TCIRG1: variants seen among roughly 807,000 people sequenced by gnomAD.
TCIRG1 encodes V-type proton ATPase 116 kDa subunit a 3.
A neutral mutation model predicts 95.5 loss-of-function variants in TCIRG1; 86 were observed. The ratio of observed to expected loss-of-function variants is 0.90; its 90% confidence interval spans 0.76 to 1.08. TCIRG1 has a LOEUF of 1.08. Among genes scored for constraint, TCIRG1 ranks in the 50% least tolerant of loss-of-function variants. The pLI, the probability that TCIRG1 is intolerant of heterozygous loss-of-function variation, is 0.00. For synonymous variants in TCIRG1, 499 were observed against 501.3 expected (o/e 1.00, Z 0.06); for missense variants, 1,069 against 1,140.2 (o/e 0.94, Z 0.90).
At chr11:68,049,581 G>C in intron 15 of TCIRG1, 82 bp from the exon 16 acceptor site, 1 of 1,543,310 alleles carries the variant, frequency 6.5e-7, no homozygotes. Flanking sequence ...CAGGCTCTCT[G>C]GGCCCCGTGA....
chr11:68,043,366 G>T lies in TCIRG1; in HGVS notation c.504-5G>T, dbSNP rs759331892. ...AGCAGCCCTGCCCAGCCCCGTGGCC[G>T]CCAGCTTTGTGGCAGGTGCCGTGGA... On this transcript the variant is annotated splice_polypyrimidine_tract_variant and splice_region_variant and intron_variant, in intron 5 of 19. Transcript: ENST00000265686. 14 of 1,540,046 alleles carry T rather than the reference G, an allele frequency of 9.1e-6. No individual in the cohort carries two copies. Among genetic ancestry groups the T allele is most frequent in the East Asian group, 7.3e-5 (3 of 40,924 alleles).
chr11:68,039,484 G>T (rs1392092322), intron 1 of TCIRG1, among the ~76,000 whole-genome samples: 1 of 152,126 alleles, frequency 6.6e-6, no homozygotes, highest in Non-Finnish European at 1.5e-5. Context: ...CACCCCATTT[G>T]GAATGGAGGG....
chr11:68,044,655 C>T (rs1490810735), intron 9 of TCIRG1: 4 of 590,022 alleles, frequency 6.8e-6, no homozygotes, highest in Non-Finnish European at 1.2e-5. Context: ...GGTGTGATGC[C>T]CCTGCCTCCG....
chr11:68,049,979 G>A lies in TCIRG1; in HGVS notation c.2031G>A (p.Gly677=), dbSNP rs777528266. ...PADRQEENKA[G]LLDLPDASVN... ...TGCCCCAGGAGGAAAACAAGGCCGGGTTGCTGGACCTGCCTGACGCATCTG... is the reference window on the plus strand; with the variant it reads ...TGCCCCAGGAGGAAAACAAGGCCGGATTGCTGGACCTGCCTGACGCATCTG... Residue 677 remains glycine (G), a synonymous_variant, in exon 17 of 20, where the codon GGG becomes GGA. Transcript: ENST00000265686. The A allele has an allele frequency of 1.9e-6, 3 of 1,612,120 alleles. No individual in the cohort carries two copies. Among genetic ancestry groups the A allele is most frequent in the East Asian group, 2.2e-5 (1 of 44,868 alleles).
rs1855360499 is a variant in TCIRG1 at position 68,044,391 on chromosome 11, A to G, written c.1020+47A>G. The G allele has an allele frequency of 3.4e-6, 5 of 1,464,794 alleles. No individual in the cohort carries two copies. The South Asian group carries it at 3.6e-5, about 11-fold the overall frequency. The allele number at this position is 1,464,794 out of a possible 1,614,324, so 90.7% of individuals were successfully genotyped here. ...CCCCTCTCCGCCCGCCCCTCCTACC[A>G]GGCCGGGGCGTTTCTGCCTCACTTC... On this transcript the variant is annotated intron_variant, in intron 9 of 19. Transcript: ENST00000265686.
chr11:68,045,457 A>G (rs1279115811), intron 10 of TCIRG1, among the ~76,000 whole-genome samples: 2 of 152,230 alleles, frequency 1.3e-5, no homozygotes, highest in African/African-American at 2.4e-5. Context: ...TGGAAATAAT[A>G]GCGCAAACCT....
intron 3 of TCIRG1, among the ~76,000 whole-genome samples, 173 bp downstream of exon 3, chr11:68,042,004 A>G (rs1855192357): frequency 6.6e-6 from 1 of 152,212 alleles, no homozygotes; most frequent in Admixed American, 6.5e-5. Flanking sequence ...TGTGCTTGCG[A>G]AGGTGGCTGC....
chr11:68,049,610 CTTTGCAGGTGTGCACAGCAGGG>C, intron 15 of TCIRG1, 31 bp from the exon 16 acceptor site: 1 of 1,583,954 alleles, frequency 6.3e-7, no homozygotes, highest in Non-Finnish European at 8.5e-7. Flanking sequence ...ACTCAGGTTC[CTTTGCAGGTGTGCACAGCAGGG>C]ACGCCCTGAC....
At chr11:68,041,852 C>T in intron 3 of TCIRG1, 21 bp downstream of exon 3, 2 of 1,589,116 alleles carry the variant, frequency 1.3e-6, no homozygotes, top group South Asian at 1.1e-5. Context: ...CCCAGGCCTA[C>T]ATTCCAGGCA....
chr11:68,041,687 G>T (rs1855175122), intron 2 of TCIRG1, 66 bp from the exon 3 acceptor site: 2 of 1,368,086 alleles, frequency 1.5e-6, no homozygotes, highest in Non-Finnish European at 2.0e-6. Flanking sequence ...TCAGGCCTGG[G>T]CTCTAGGGTG....
Position 68,050,322 on chromosome 11 carries a change from G to A in TCIRG1, c.2236+68G>A, listed in dbSNP as rs532305107. The stretch of plus-strand genomic sequence containing the variant: ...TCTCACATACCGCTGCTGGCTGGGC[G>A]GGTTGCTTCTCTCTGGGCCTCAGTT... On this transcript the variant is annotated intron_variant, in intron 18 of 19. Transcript: ENST00000265686. 6.7e-5 allele frequency: 107 copies of A among 1,596,624 alleles called. No homozygotes were observed. In the African/African-American group the frequency reaches 1.2e-3, roughly 18 times the overall value.
chr11:68,051,108 G>A (rs1418168312), downstream of TCIRG1, among the ~76,000 whole-genome samples: 1 of 152,204 alleles, frequency 6.6e-6, no homozygotes, highest in Non-Finnish European at 1.5e-5. Flanking sequence ...TTCCCAGGCC[G>A]GGTCAGGGGA....
Position 68,043,835 on chromosome 11 carries a change from G to C in TCIRG1, c.735G>C (p.Pro245=). The C allele has an allele frequency of 6.4e-7, 1 of 1,562,622 alleles. No homozygotes were observed. Among genetic ancestry groups the C allele is most frequent in the Non-Finnish European group, 8.7e-7 (1 of 1,154,898 alleles). The stretch of plus-strand genomic sequence containing the variant: ...CCAGCTTCCACTGCCACGTCTTCCC[G>C]TTTCTGCAGCAGGAGGAGGCCCGCC... The part of the protein sequence containing the change: ...ITDCFHCHVF[P]FLQQEEARLG... Residue 245 remains proline (P), a synonymous_variant, in exon 8 of 20, where the codon CCG becomes CCC. Coordinates refer to ENST00000265686, the MANE Select transcript of TCIRG1 (RefSeq NM_006019.4).
At position 68,042,833 on chromosome 11, in the gene TCIRG1, C is replaced by T. The variant is rs763756780; in HGVS notation, c.387C>T (p.Ala129=). ...AGCTGCACCAGCTGCAGCTCCACGCCGCCGTGCTACGCCAGGGCCATGAAC... is the reference window on the plus strand; with the variant it reads ...AGCTGCACCAGCTGCAGCTCCACGCTGCCGTGCTACGCCAGGGCCATGAAC... ...RAQLHQLQLH[A]AVLRQGHEPQ... The change falls in exon 4 of 20, where the codon GCC becomes GCT. Residue 129 remains alanine, a synonymous_variant. Transcript: ENST00000265686. The T allele has an allele frequency of 1.5e-4, 228 of 1,548,788 alleles. No homozygotes were observed. Among genetic ancestry groups the T allele is most frequent in the South Asian group, 5.2e-4 (44 of 83,972 alleles).
In TCIRG1 at chr11:68,043,964, C is replaced by T. The variant is rs911072322; in HGVS notation, c.807+57C>T. On this transcript the variant is annotated intron_variant, in intron 8 of 19. Transcript: ENST00000265686. Reference sequence around the variant, plus strand: ...TAGGAGGTGGGTGCCCCCGGCCTCCCGGAGGTGGGTGCAGGAGGTGGGTGC... The same window carrying T: ...TAGGAGGTGGGTGCCCCCGGCCTCCTGGAGGTGGGTGCAGGAGGTGGGTGC... 28 of 1,421,088 alleles carry T rather than the reference C, an allele frequency of 2.0e-5. No individual in the cohort carries two copies. The South Asian group carries it at 2.5e-4, about 12-fold the overall frequency. The allele number at this position is 1,421,088 out of a possible 1,614,324, so 88.0% of individuals were successfully genotyped here. A position where few individuals can be genotyped will look rare whatever the true frequency, so the allele number is the denominator to read the frequency against.
At chr11:68,050,705 G>T (rs769811708) in intron 19 of TCIRG1, 36 bp from the exon 20 acceptor site, 1 of 1,613,818 alleles carries the variant, frequency 6.2e-7, no homozygotes, top group Non-Finnish European at 8.5e-7. Flanking sequence ...CAAGGCGTGA[G>T]TTCCCCTCAC....
In TCIRG1 at chr11:68,041,310, C is replaced by A; in HGVS notation, c.39C>A (p.Val13=). ...SMFRSEEVAL[V]QLFLPTAAAY... ...TCCGGAGCGAGGAGGTGGCCCTGGT[C>A]CAGCTCTTTCTGCCCACAGCGGCTG... The change falls in exon 2 of 20, where the codon GTC becomes GTA. Residue 13 remains valine (V), a synonymous_variant. Coordinates refer to ENST00000265686, the MANE Select transcript of TCIRG1 (RefSeq NM_006019.4). 1 of 1,613,210 alleles carries A rather than the reference C, an allele frequency of 6.2e-7. No individual in the cohort carries two copies. The highest frequency in any genetic ancestry group is 1.1e-5 in the South Asian group (1 of 91,082).
At chr11:68,048,313 A>G in intron 13 of TCIRG1, 1 of 391,132 alleles carries the variant, frequency 2.6e-6, no homozygotes, top group Non-Finnish European at 4.8e-6. Context: ...TTATTTTTGG[A>G]TATAGAGTCT....
rs371545680 is a variant in TCIRG1 at position 68,049,323 on chromosome 11, C to T, written c.1887+29C>T. 30 of 1,589,432 alleles carry T rather than the reference C, an allele frequency of 1.9e-5. No homozygotes were observed. The Admixed American group carries it at 2.2e-4, about 12-fold the overall frequency. ...GGCTGCGGCTGGTGGGGGCCGGGCT[C>T]ACACGGCCTCATGGGGACCCCGCGG... On this transcript the variant is annotated intron_variant, in intron 15 of 19. Coordinates refer to ENST00000265686, the MANE Select transcript of TCIRG1 (RefSeq NM_006019.4).
Sources: allele counts gnomAD v4.1 joint callset (sites outside exome capture counted in the v4.1 genomes callset), GRCh38; gene constraint gnomAD v4.1.1; transcripts MANE v1.5; gene names NCBI Gene and HGNC (gene_info 2026-07-23, HGNC 2026-07-21).